Variants in BBOX1 observed in about 807,000 individuals in gnomAD.
The protein encoded by BBOX1 is gamma-butyrobetaine hydroxylase 1, also known as gamma-butyrobetaine dioxygenase.
In BBOX1, 35 loss-of-function variants were observed where a neutral mutation model predicts 41.6. That is an observed-to-expected ratio of 0.84 (90% confidence interval 0.64 to 1.11). The LOEUF (loss-of-function observed/expected upper bound fraction) is 1.11, where lower values mean the gene tolerates loss of function less well. Ranked by LOEUF, BBOX1 falls within the 50% of genes most tolerant of loss-of-function variation. The pLI is 0.00. For synonymous variants in BBOX1, 163 were observed against 154.7 expected (o/e 1.05, Z -0.40); for missense variants, 458 against 460.6 (o/e 0.99, Z 0.05).
chr11:27,115,401 C>A, intron 5 of BBOX1, 51 bp from the exon 6 acceptor site: 2 of 1,433,050 alleles, frequency 1.4e-6, no homozygotes, highest in Non-Finnish European at 1.9e-6. Context: ...TAATGCATTT[C>A]CTCTGGCTTA....
At chr11:27,108,942 T>A (rs1858959326) in intron 5 of BBOX1, among the ~76,000 whole-genome samples, 1 of 152,044 alleles carries the variant, frequency 6.6e-6, no homozygotes, top group South Asian at 2.1e-4. Flanking sequence ...TGAAAGCTCA[T>A]AAAAGTCACC....
chr11:27,097,072 G>A (rs1465126619), intron 5 of BBOX1, among the ~76,000 whole-genome samples: 1 of 151,968 alleles, frequency 6.6e-6, no homozygotes, highest in Non-Finnish European at 1.5e-5. Context: ...ATAAGAGTAG[G>A]TAAAGAAATT....
At chr11:27,071,383 A>C (rs1283615980) in intron 4 of BBOX1, among the ~76,000 whole-genome samples, 1 of 150,130 alleles carries the variant, frequency 6.7e-6, no homozygotes, top group African/African-American at 2.4e-5. Context: ...CTCCATCTCA[A>C]AAAAAAAAAA....
chr11:27,057,519 C>A, intron 4 of BBOX1: 1 of 494,620 alleles, frequency 2.0e-6, no homozygotes, highest in South Asian at 2.5e-5. Flanking sequence ...AGACATTCTA[C>A]AGAGAAAGAA....
intron 4 of BBOX1, among the ~76,000 whole-genome samples, chr11:27,078,025 T>A (rs185539257): frequency 1.6e-4 from 25 of 152,160 alleles, no homozygotes; most frequent in African/African-American, 5.1e-4. Context: ...CCTCCCACAA[T>A]CTGGTACCCC....
At chr11:27,093,053 A>G in intron 4 of BBOX1, 115 bp from the exon 5 acceptor site, 1 of 1,029,422 alleles carries the variant, frequency 9.7e-7, no homozygotes, top group Non-Finnish European at 1.4e-6. Flanking sequence ...AACATTTAAT[A>G]AAGTCCATTA....
At chr11:27,116,599 C>A (rs1262966489) in intron 6 of BBOX1, among the ~76,000 whole-genome samples, 1 of 151,852 alleles carries the variant, frequency 6.6e-6, no homozygotes, top group Non-Finnish European at 1.5e-5. Context: ...CATATACCTG[C>A]AATTGGTTGC....
intron 4 of BBOX1, among the ~76,000 whole-genome samples, chr11:27,060,232 T>C (rs1857099104): frequency 6.6e-6 from 1 of 152,116 alleles, no homozygotes; most frequent in African/African-American, 2.4e-5. Flanking sequence ...AATGAGTTCT[T>C]TGAAGATCTG....
In BBOX1 at chr11:27,103,158, G is replaced by A. The variant is rs151095776; in HGVS notation, c.533+9792G>A. 4.2e-3 allele frequency among the ~76,000 whole-genome samples: 634 copies of A among 152,192 alleles called. 3 individuals are homozygous for A. Among genetic ancestry groups the A allele is most frequent in the Non-Finnish European group, 7.1e-3 (486 of 68,016 alleles). On this transcript the variant is annotated intron_variant, in intron 5 of 8. Coordinates refer to ENST00000263182, the MANE Select transcript of BBOX1 (RefSeq NM_003986.3). ...TGATCATGCCACTGCACTCCAGCCC[G>A]GGCAACAGTGTGAGACTCCATCTCA...
chr11:27,084,567 G>C (rs906483352), intron 4 of BBOX1, among the ~76,000 whole-genome samples: 1 of 152,094 alleles, frequency 6.6e-6, no homozygotes, highest in Non-Finnish European at 1.5e-5. Context: ...AGGGCCCCTA[G>C]AAGGTATTTA....
intron 4 of BBOX1, among the ~76,000 whole-genome samples, chr11:27,088,672 C>G (rs1858129730): frequency 6.6e-6 from 1 of 151,880 alleles, no homozygotes; most frequent in South Asian, 2.1e-4. Flanking sequence ...TAAAAATACC[C>G]ATGATGATAG....
intron 5 of BBOX1, among the ~76,000 whole-genome samples, chr11:27,114,842 T>C (rs1250730529): frequency 6.6e-6 from 1 of 151,890 alleles, no homozygotes; most frequent in Non-Finnish European, 1.5e-5. Flanking sequence ...GATTGGGCAG[T>C]GGATTCTTAG....
At chr11:27,105,182 ACCTCTTC>A (rs2134070882) in intron 5 of BBOX1, among the ~76,000 whole-genome samples, 1 of 152,274 alleles carries the variant, frequency 6.6e-6, no homozygotes, top group East Asian at 1.9e-4. Flanking sequence ...AAATCAGAGC[ACCTCTTC>A]CCCTCCAAAG....
chr11:27,067,710 G>A lies in BBOX1; in HGVS notation c.334+10395G>A, dbSNP rs866100016. Among the ~76,000 whole-genome samples the A allele has an allele frequency of 7.2e-5, 11 of 151,804 alleles. No homozygotes were observed. In the East Asian group the frequency reaches 7.8e-4, roughly 11 times the overall value. ...CAGGAAGTGGAAGTTGCACTGAGCCGAGATCGCGCCACTGCACTCCAGCCT... is the reference window on the plus strand; with the variant it reads ...CAGGAAGTGGAAGTTGCACTGAGCCAAGATCGCGCCACTGCACTCCAGCCT... On this transcript the variant is annotated intron_variant, in intron 4 of 8. Coordinates refer to ENST00000263182, the MANE Select transcript of BBOX1 (RefSeq NM_003986.3).
intron 5 of BBOX1, among the ~76,000 whole-genome samples, chr11:27,101,318 T>G (rs1237577112): frequency 6.6e-6 from 1 of 152,112 alleles, no homozygotes; most frequent in African/African-American, 2.4e-5. Context: ...ACCATTTACA[T>G]AAAGGGAAAA....
Position 27,127,418 on chromosome 11 carries a change from C to T in BBOX1, c.1129C>T (p.Arg377Cys), listed in dbSNP as rs199560358. ...CTGGGATGTGGTCATGTCAAGGCTTCGTATCTTAAGGCAGAGGGTGGAGAA... is the reference window on the plus strand; with the variant it reads ...CTGGGATGTGGTCATGTCAAGGCTTTGTATCTTAAGGCAGAGGGTGGAGAA... Reference protein sequence around the residue: ...ADWDVVMSRLRILRQRVENGN With the variant: ...ADWDVVMSRLCILRQRVENGN The change falls in exon 9 of 9, where the codon CGT becomes TGT. Residue 377 changes from arginine to cysteine, a missense_variant. Arg to Cys is a radical substitution (Grantham distance 180). Coordinates refer to ENST00000263182, the MANE Select transcript of BBOX1 (RefSeq NM_003986.3). The T allele has an allele frequency of 6.2e-7, 1 of 1,612,922 alleles. No homozygotes were observed. Among genetic ancestry groups the T allele is most frequent in the African/African-American group, 1.3e-5 (1 of 74,974 alleles).
At chr11:27,105,604 A>G (rs1327445513) in intron 5 of BBOX1, among the ~76,000 whole-genome samples, 1 of 152,186 alleles carries the variant, frequency 6.6e-6, no homozygotes, top group Admixed American at 6.5e-5. Flanking sequence ...GAAAAGACCA[A>G]ATCTACTTCT....
intron 4 of BBOX1, among the ~76,000 whole-genome samples, chr11:27,070,706 AT>A (rs58041903): frequency 0.17 from 23,222 of 133,190 alleles, 1,777 homozygotes; most frequent in Admixed American, 0.22. Context: ...TTTGTGATTG[AT>A]TTTTTTTTTT....
At chr11:27,057,084 A>AAAAAAAAAAAAAAAAAAAAAAAAAG (rs1857007585) in intron 3 of BBOX1, 117 bp from the exon 4 acceptor site, 1 of 383,616 alleles carries the variant, frequency 2.6e-6, no homozygotes, top group Non-Finnish European at 4.4e-6. Context: ...AAAAAAAAAA[A>AAAAAAAAAAAAAAAAAAAAAAAAAG]ATTAAGCAAA....
Sources: allele counts gnomAD v4.1 joint callset (sites outside exome capture counted in the v4.1 genomes callset), GRCh38; gene constraint gnomAD v4.1.1; transcripts MANE v1.5; gene names NCBI Gene and HGNC (gene_info 2026-07-23, HGNC 2026-07-21).